Variants in RCL1 observed in about 807,000 individuals in gnomAD.
The protein encoded by RCL1 is RNA terminal phosphate cyclase like 1.
A neutral mutation model predicts 42.4 loss-of-function variants in RCL1; 24 were observed. That is an observed-to-expected ratio of 0.57 (90% CI 0.41 to 0.80). The LOEUF (loss-of-function observed/expected upper bound fraction) is 0.80. Among genes scored for constraint, RCL1 ranks in the 30% least tolerant of loss-of-function variants. The pLI is 0.00. For missense variants in RCL1, 578 were observed against 467.9 expected (o/e 1.24, Z -2.17); for synonymous variants, 228 against 177.3 (o/e 1.29, Z -2.27).
intron 1 of RCL1, among the ~76,000 whole-genome samples, chr9:4,794,041 A>G (rs1842875706): frequency 1.3e-5 from 2 of 152,222 alleles, no homozygotes; most frequent in African/African-American, 4.8e-5. Flanking sequence ...CATGAGATAC[A>G]TGCATTTAAA....
At chr9:4,846,819 A>C (rs1817530361) in intron 7 of RCL1, among the ~76,000 whole-genome samples, 1 of 152,212 alleles carries the variant, frequency 6.6e-6, no homozygotes, top group South Asian at 2.1e-4. Context: ...GCAGGCTATA[A>C]GCCTCAGGGT....
chr9:4,806,046 TTG>T lies in RCL1; in HGVS notation c.136+12835_136+12836del, dbSNP rs1057311928. The stretch of plus-strand genomic sequence containing the variant: ...TGTGTGTGTGTGTGTGTGTGTGTGT[TTG>T]TGTGTGTGTGTGTGTTTGTGTGTGT... On this transcript the variant is annotated intron_variant, in intron 1 of 8. Transcript: ENST00000381750. Among the ~76,000 whole-genome samples, 23 of 71,312 alleles carry T rather than the reference TTG, an allele frequency of 3.2e-4. No homozygotes were observed. In the South Asian group the frequency reaches 3.9e-3, roughly 12 times the overall value. The allele number at this position is 71,312 out of a possible 152,430, so 46.8% of individuals were successfully genotyped here. A position where few individuals can be genotyped will look rare whatever the true frequency, so the allele number is the denominator to read the frequency against.
At chr9:4,854,307 A>G (rs1556363) in intron 8 of RCL1, among the ~76,000 whole-genome samples, 49,827 of 151,950 alleles carry the variant, frequency 0.33, 8,420 homozygotes, top group South Asian at 0.46. Context: ...TTGTCTTTGG[A>G]AAAGCCTCTA....
At chr9:4,834,074 G>C in intron 4 of RCL1, 67 bp from the exon 5 acceptor site, 1 of 1,553,482 alleles carries the variant, frequency 6.4e-7, no homozygotes, top group Non-Finnish European at 8.7e-7. Flanking sequence ...AACCTTCCTG[G>C]GCAGGGTGTC....
chr9:4,836,420 A>G (rs1817132157), intron 5 of RCL1, among the ~76,000 whole-genome samples: 1 of 152,246 alleles, frequency 6.6e-6, no homozygotes, highest in African/African-American at 2.4e-5. Flanking sequence ...TAACAGGCTT[A>G]AAGATCAGAT....
At chr9:4,811,551 T>C (rs1816176565) in intron 1 of RCL1, among the ~76,000 whole-genome samples, 1 of 152,192 alleles carries the variant, frequency 6.6e-6, no homozygotes, top group African/African-American at 2.4e-5. Flanking sequence ...TTACTTAACA[T>C]AATGTTCTAC....
Position 4,860,329 on chromosome 9 carries a change from G to T in RCL1, c.*54G>T. 1 of 1,575,578 alleles carries T rather than the reference G, an allele frequency of 6.3e-7. No homozygotes were observed. The highest frequency in any genetic ancestry group is 2.3e-5 in the East Asian group (1 of 43,406). On this transcript the variant is annotated 3_prime_UTR_variant, in exon 9 of 9. Coordinates refer to ENST00000381750, the MANE Select transcript of RCL1 (RefSeq NM_005772.5). ...CTACAGACAAAGCAGAAGCTGCCACGGACACCAATGGGACCAAGTCCAAAT... is the reference window on the plus strand; with the variant it reads ...CTACAGACAAAGCAGAAGCTGCCACTGACACCAATGGGACCAAGTCCAAAT...
chr9:4,860,465 C>T lies in RCL1; in HGVS notation c.*190C>T. 1.6e-6 allele frequency: 1 copy of T among 622,166 alleles called. No individual in the cohort carries two copies. Among genetic ancestry groups the T allele is most frequent in the Non-Finnish European group, 2.6e-6 (1 of 391,350 alleles). The allele number at this position is 622,166 out of a possible 1,614,324, so 38.5% of individuals were successfully genotyped here. A position where few individuals can be genotyped will look rare whatever the true frequency, so the allele number is the denominator to read the frequency against. On this transcript the variant is annotated 3_prime_UTR_variant, in exon 9 of 9. Transcript: ENST00000381750. ...TGGTTTCCAGCTGTTTCTCCAGTGG[C>T]ATTGCCATTGCCCAGGAGGGGCCCA...
In RCL1 at chr9:4,793,097, G is replaced by C; in HGVS notation, c.6G>C (p.Ala2=). 1 of 1,609,316 alleles carries C rather than the reference G, an allele frequency of 6.2e-7. No individual in the cohort carries two copies. Among genetic ancestry groups the C allele is most frequent in the Non-Finnish European group, 8.5e-7 (1 of 1,178,096 alleles). Residue 2 remains alanine, a synonymous_variant, in exon 1 of 9, where the codon GCG becomes GCC. Transcript: ENST00000381750. M[A]TQAHSLSYAG... ...TCTCTTCGGAGAGCGCGCACATGGC[G>C]ACTCAGGCGCACTCCCTCAGCTACG...
intron 1 of RCL1, chr9:4,803,845 C>T (rs1843048203): frequency 6.1e-6 from 1 of 163,030 alleles, no homozygotes; most frequent in South Asian, 1.7e-4. Flanking sequence ...CAGGGTTGTA[C>T]TTCTGGCATT....
At chr9:4,843,647 G>A (rs997272323) in intron 6 of RCL1, among the ~76,000 whole-genome samples, 20 of 152,104 alleles carry the variant, frequency 1.3e-4, no homozygotes, top group African/African-American at 2.9e-4. Context: ...AAAGTTTATC[G>A]TAATGACAAA....
intron 7 of RCL1, among the ~76,000 whole-genome samples, chr9:4,846,513 A>C (rs1302098535): frequency 2.6e-5 from 4 of 152,228 alleles, no homozygotes; most frequent in African/African-American, 9.7e-5. Flanking sequence ...GTAGATGATC[A>C]AGAGGTTGCC....
chr9:4,849,072 C>T (rs970788705), intron 7 of RCL1, among the ~76,000 whole-genome samples: 5 of 150,252 alleles, frequency 3.3e-5, no homozygotes, highest in Non-Finnish European at 5.9e-5. Flanking sequence ...ATTAACTCTA[C>T]ATCTTCTAGA....
chr9:4,809,779 T>C (rs1212984891), intron 1 of RCL1, among the ~76,000 whole-genome samples: 6 of 152,190 alleles, frequency 3.9e-5, no homozygotes, highest in Non-Finnish European at 7.4e-5. Context: ...ATGGCTTTTC[T>C]GTGTCATGAA....
At chr9:4,807,307 T>C (rs1816010220) in intron 1 of RCL1, among the ~76,000 whole-genome samples, 1 of 152,240 alleles carries the variant, frequency 6.6e-6, no homozygotes, top group Non-Finnish European at 1.5e-5. Flanking sequence ...GCTTTGAGTT[T>C]ATTTTGCTCT....
chr9:4,802,582 A>G (rs1282750189), intron 1 of RCL1, among the ~76,000 whole-genome samples: 2 of 152,146 alleles, frequency 1.3e-5, no homozygotes, highest in African/African-American at 4.8e-5. Flanking sequence ...AGAAATGTTC[A>G]TTTGTTCACA....
chr9:4,807,496 C>T (rs1366816564), intron 1 of RCL1, among the ~76,000 whole-genome samples: 1 of 152,074 alleles, frequency 6.6e-6, no homozygotes, highest in Non-Finnish European at 1.5e-5. Flanking sequence ...CTTTGAAACT[C>T]CTATCCTTTG....
At chr9:4,802,074 A>ATTTTTTTT (rs34756856) in intron 1 of RCL1, among the ~76,000 whole-genome samples, 862 of 95,414 alleles carry the variant, frequency 9.0e-3, no homozygotes, top group Non-Finnish European at 9.8e-3. Flanking sequence ...ACGCCTGGCT[A>ATTTTTTTT]TTTTTTTTTT....
chr9:4,805,172 G>A (rs1843081425), intron 1 of RCL1, among the ~76,000 whole-genome samples: 1 of 152,178 alleles, frequency 6.6e-6, no homozygotes, highest in Non-Finnish European at 1.5e-5. Context: ...GGGCAATGTG[G>A]TGAGACCCCA....
Sources: allele counts gnomAD v4.1 joint callset (sites outside exome capture counted in the v4.1 genomes callset), GRCh38; gene constraint gnomAD v4.1.1; transcripts MANE v1.5; gene names NCBI Gene and HGNC (gene_info 2026-07-23, HGNC 2026-07-21).